The following NHSL3 variants were observed in gnomAD, a reference collection of about 807,000 sequenced individuals.
NHSL3 encodes the protein NHS-like protein 3.
At chr1:32,755,867 G>C in the NHSL3 span, among the ~76,000 whole-genome samples, 1 of 152,184 alleles carries the variant, frequency 6.6e-6, no homozygotes, top group African/African-American at 2.4e-5. Flanking sequence ...CCTAGAATCT[G>C]CACTAAGGGG....
the NHSL3 span, among the ~76,000 whole-genome samples, chr1:32,763,354 G>A: frequency 2.0e-5 from 3 of 152,072 alleles, 1 homozygote; most frequent in African/African-American, 4.8e-5. Flanking sequence ...CTGACCTGTC[G>A]CCTGCTCTCC....
chr1:32,742,103 C>T, the NHSL3 span: 154 of 1,249,848 alleles, frequency 1.2e-4, 1 homozygote, highest in Non-Finnish European at 1.5e-4. Flanking sequence ...AAGAAGAAGG[C>T]GGCGGGGGCC....
At chr1:32,764,218 C>T in the NHSL3 span, among the ~76,000 whole-genome samples, 1 of 151,852 alleles carries the variant, frequency 6.6e-6, no homozygotes, top group Non-Finnish European at 1.5e-5. Context: ...CTCCCCGCCC[C>T]CCGGCCCCAC....
chr1:32,753,973 T>C, the NHSL3 span: 1 of 357,364 alleles, frequency 2.8e-6, no homozygotes, highest in Non-Finnish European at 5.1e-6. Context: ...GAGCTGGGGC[T>C]GGGGGCGCCC....
the NHSL3 span, among the ~76,000 whole-genome samples, chr1:32,751,222 C>T: frequency 1.3e-5 from 2 of 152,206 alleles, no homozygotes; most frequent in Non-Finnish European, 2.9e-5. Context: ...CCAGTCCTAG[C>T]CTAGCCTGTC....
chr1:32,766,298 T>C, the NHSL3 span, among the ~76,000 whole-genome samples: 2 of 152,040 alleles, frequency 1.3e-5, no homozygotes, highest in African/African-American at 4.8e-5. Context: ...CCTCCTTCCT[T>C]CTCCTAGGAA....
chr1:32,751,939 C>CT, the NHSL3 span, among the ~76,000 whole-genome samples: 1 of 152,206 alleles, frequency 6.6e-6, no homozygotes, highest in Non-Finnish European at 1.5e-5. Flanking sequence ...AGCCTCTTCA[C>CT]ATACCTGTCC....
At chr1:32,765,656 C>T in the NHSL3 span, 2 of 1,529,474 alleles carry the variant, frequency 1.3e-6, no homozygotes, top group South Asian at 1.2e-5. Flanking sequence ...TGCTCTGCGG[C>T]GGGGCGGGAG....
the NHSL3 span, chr1:32,765,944 G>A: frequency 3.1e-6 from 3 of 971,044 alleles, no homozygotes; most frequent in South Asian, 1.5e-5. Context: ...GCTGGGGGCT[G>A]ATAATGAGGC....
chr1:32,743,230 T>C, the NHSL3 span, among the ~76,000 whole-genome samples: 1 of 152,156 alleles, frequency 6.6e-6, no homozygotes, highest in Non-Finnish European at 1.5e-5. Flanking sequence ...TGGCTGGGTG[T>C]GCGGGCCCAT....
chr1:32,763,166 T>C, the NHSL3 span, among the ~76,000 whole-genome samples: 1 of 151,096 alleles, frequency 6.6e-6, no homozygotes, highest in Admixed American at 6.6e-5. Flanking sequence ...GTGTTTTTAG[T>C]AGAGACAAGG....
At chr1:32,752,215 T>C in the NHSL3 span, among the ~76,000 whole-genome samples, 1 of 152,172 alleles carries the variant, frequency 6.6e-6, no homozygotes, top group Non-Finnish European at 1.5e-5. Flanking sequence ...ACTGCACTGT[T>C]GTCAACCTGA....
At chr1:32,743,520 C>T in the NHSL3 span, among the ~76,000 whole-genome samples, 2 of 152,224 alleles carry the variant, frequency 1.3e-5, no homozygotes, top group Admixed American at 6.5e-5. Flanking sequence ...GACATGGAGT[C>T]TGTCCCAGGG....
the NHSL3 span, chr1:32,765,917 A>T: frequency 7.9e-7 from 1 of 1,260,950 alleles, no homozygotes. Flanking sequence ...AAGGCTGGGC[A>T]AAAGTAATGG....
chr1:32,757,383 A>G, the NHSL3 span, among the ~76,000 whole-genome samples: 1 of 149,564 alleles, frequency 6.7e-6, no homozygotes, highest in African/African-American at 2.5e-5. Context: ...GTGAGAGTGG[A>G]GGCTCAGAGA....
the NHSL3 span, chr1:32,771,971 A>G: frequency 5.6e-6 from 9 of 1,606,474 alleles, no homozygotes; most frequent in African/African-American, 6.7e-5. Flanking sequence ...TCAGGGCTCC[A>G]TGCTGCGGTC....
At chr1:32,772,930 A>G in the NHSL3 span, 1 of 1,603,422 alleles carries the variant, frequency 6.2e-7, no homozygotes, top group South Asian at 1.1e-5. Flanking sequence ...TCCCAGAAAC[A>G]CAATCTCAGG....
the NHSL3 span, among the ~76,000 whole-genome samples, chr1:32,753,851 G>A: frequency 0.014 from 2,150 of 152,272 alleles, 54 homozygotes; most frequent in African/African-American, 0.047. Flanking sequence ...CGGCTCAGCC[G>A]GTCTCCCAGG....
At chr1:32,755,465 G>T in the NHSL3 span, among the ~76,000 whole-genome samples, 1 of 152,144 alleles carries the variant, frequency 6.6e-6, no homozygotes, top group Non-Finnish European at 1.5e-5. Context: ...TGGGAAGTGG[G>T]GGACCTCTCC....
Sources: gnomAD v4.1 joint callset for allele counts (sites outside exome capture counted in the v4.1 genomes callset) on GRCh38, gnomAD v4.1.1 for gene constraint, MANE v1.5 for transcripts, NCBI Gene and HGNC (gene_info 2026-07-23, HGNC 2026-07-21) for gene names.